ASIC2: variants seen among roughly 807,000 people sequenced by gnomAD.
The protein encoded by ASIC2 is acid-sensing ion channel 2.
A neutral mutation model predicts 57.3 loss-of-function variants in ASIC2; 25 were observed. The ratio of observed to expected loss-of-function variants is 0.44; its 90% CI spans 0.32 to 0.61. The LOEUF is 0.61. Among genes scored for constraint, ASIC2 ranks in the 20% least tolerant of loss-of-function variants. ASIC2 has a pLI of 0.06. For synonymous variants in ASIC2, 319 were observed against 307.5 expected, an observed-to-expected ratio of 1.04 and a Z score of -0.39; for missense variants, 641 against 738.1, an observed-to-expected ratio of 0.87 and a Z score of 1.52.
intron 1 of ASIC2, among the ~76,000 whole-genome samples, chr17:33,140,070 A>T (rs1488436701): frequency 6.6e-6 from 1 of 152,236 alleles, no homozygotes; most frequent in Non-Finnish European, 1.5e-5. Context: ...GGATAGTAAG[A>T]AGATACAGAT....
intron 1 of ASIC2, among the ~76,000 whole-genome samples, chr17:34,019,108 C>T (rs1167031344): frequency 6.6e-6 from 1 of 152,088 alleles, no homozygotes; most frequent in Non-Finnish European, 1.5e-5. Flanking sequence ...CGGGGTTTCG[C>T]TGTGTTAGCC....
At chr17:33,083,290 G>T (rs1179183161) in intron 3 of ASIC2, among the ~76,000 whole-genome samples, 1 of 152,174 alleles carries the variant, frequency 6.6e-6, no homozygotes, top group Non-Finnish European at 1.5e-5. Flanking sequence ...AGAGGCAAAA[G>T]AAGGCAGTTC....
At chr17:33,987,061 T>G (rs1327793509) in intron 1 of ASIC2, among the ~76,000 whole-genome samples, 1 of 152,226 alleles carries the variant, frequency 6.6e-6, no homozygotes, top group Non-Finnish European at 1.5e-5. Context: ...GCATTAAGGC[T>G]TTTAATTCCT....
intron 1 of ASIC2, chr17:34,005,135 C>G (rs1033387882): frequency 2.6e-5 from 4 of 152,154 alleles, no homozygotes; most frequent in Non-Finnish European, 5.9e-5. Context: ...AAAGATTCAT[C>G]TTCATAAAAG....
intron 1 of ASIC2, among the ~76,000 whole-genome samples, chr17:33,593,417 A>G (rs190084150): frequency 1.3e-5 from 2 of 152,146 alleles, no homozygotes; most frequent in Admixed American, 1.3e-4. Flanking sequence ...CCCATCACTG[A>G]TGTTTTGTGC....
At chr17:33,325,300 A>G (rs1907031147) in intron 1 of ASIC2, among the ~76,000 whole-genome samples, 1 of 152,230 alleles carries the variant, frequency 6.6e-6, no homozygotes, top group South Asian at 2.1e-4. Context: ...AAGGTGACCT[A>G]AACAGGTTTG....
At chr17:33,564,606 C>T (rs1916174259) in intron 1 of ASIC2, among the ~76,000 whole-genome samples, 1 of 152,252 alleles carries the variant, frequency 6.6e-6, no homozygotes, top group Non-Finnish European at 1.5e-5. Context: ...CATAATGGCA[C>T]TGCCTGCCAT....
chr17:33,049,533 G>T (rs531687456), intron 3 of ASIC2, among the ~76,000 whole-genome samples: 1 of 152,210 alleles, frequency 6.6e-6, no homozygotes, highest in African/African-American at 2.4e-5. Flanking sequence ...CCTTACAGTT[G>T]GAGTTGTTAC....
At chr17:33,850,703 A>G (rs1171586822) in intron 1 of ASIC2, among the ~76,000 whole-genome samples, 5 of 152,182 alleles carry the variant, frequency 3.3e-5, no homozygotes, top group African/African-American at 1.2e-4. Context: ...GCTACTTCTG[A>G]TGACAGAATG....
intron 1 of ASIC2, among the ~76,000 whole-genome samples, chr17:33,141,845 CT>C (rs1904326286): frequency 6.6e-6 from 1 of 152,196 alleles, no homozygotes; most frequent in African/African-American, 2.4e-5. Flanking sequence ...CTCATGAAAC[CT>C]CAGTCATTAG....
At chr17:33,230,722 G>C (rs1399343317) in intron 1 of ASIC2, among the ~76,000 whole-genome samples, 1 of 152,144 alleles carries the variant, frequency 6.6e-6, no homozygotes, top group Non-Finnish European at 1.5e-5. Flanking sequence ...GGGGGTAAGA[G>C]AAGATGCAAC....
chr17:33,703,984 C>T (rs933454652), intron 1 of ASIC2, among the ~76,000 whole-genome samples: 2 of 152,166 alleles, frequency 1.3e-5, no homozygotes, highest in Non-Finnish European at 2.9e-5. Flanking sequence ...TTCCCACTCG[C>T]TTTTCTATTT....
chr17:33,827,508 T>TA lies in ASIC2; in HGVS notation c.555+328469_555+328470insT, dbSNP rs947893774. On this transcript the variant is annotated intron_variant, in intron 1 of 9. Coordinates refer to the ASIC2 transcript ENST00000359872. ...CACCATGCCTGGCTATTTTTTGTCT[T>TA]TTTTTTTTTGTATTTTTAGTAAAGA... Among the ~76,000 whole-genome samples, 63 of 147,206 alleles carry TA rather than the reference T, an allele frequency of 4.3e-4. 1 individual carries two copies. The highest frequency in any genetic ancestry group is 7.1e-4 in the Non-Finnish European group (47 of 66,590).
At chr17:33,880,387 A>G (rs935281326) in intron 1 of ASIC2, among the ~76,000 whole-genome samples, 2 of 152,180 alleles carry the variant, frequency 1.3e-5, no homozygotes, top group African/African-American at 4.8e-5. Context: ...AAAAGAGAGA[A>G]GAATCAAATA....
intron 1 of ASIC2, among the ~76,000 whole-genome samples, chr17:33,641,322 ACTT>A (rs1906556684): frequency 1.3e-5 from 2 of 152,214 alleles, no homozygotes; most frequent in Non-Finnish European, 2.9e-5. Context: ...ACCCACCTTC[ACTT>A]CTTTACTGAA....
intron 1 of ASIC2, among the ~76,000 whole-genome samples, chr17:33,209,197 T>G (rs1015965981): frequency 3.9e-5 from 6 of 152,236 alleles, no homozygotes; most frequent in African/African-American, 1.4e-4. Context: ...GAGCTAAGAC[T>G]TTCTGACTCT....
intron 1 of ASIC2, among the ~76,000 whole-genome samples, chr17:34,085,674 C>T (rs1417101752): frequency 6.6e-6 from 1 of 151,958 alleles, no homozygotes; most frequent in Admixed American, 6.6e-5. Context: ...GTCCTGGACT[C>T]TTTTTGGTTG....
At chr17:34,132,196 G>A (rs1911996550) in intron 1 of ASIC2, among the ~76,000 whole-genome samples, 1 of 152,196 alleles carries the variant, frequency 6.6e-6, no homozygotes, top group Admixed American at 6.5e-5. Flanking sequence ...CTCCTAGTGT[G>A]TCCGGAGTTG....
intron 1 of ASIC2, among the ~76,000 whole-genome samples, chr17:33,230,881 G>T (rs557231609): frequency 6.6e-6 from 1 of 152,080 alleles, no homozygotes; most frequent in Admixed American, 6.5e-5. Context: ...ACGAAAATAC[G>T]TTCTATATGG....
Sources: allele counts gnomAD v4.1 joint callset (sites outside exome capture counted in the v4.1 genomes callset), GRCh38; gene constraint gnomAD v4.1.1; transcripts MANE v1.5; gene names NCBI Gene and HGNC (gene_info 2026-07-23, HGNC 2026-07-21).